Variants in CAPS2 observed in about 807,000 individuals in gnomAD.
The protein encoded by CAPS2 is calcyphosin-2.
In CAPS2, 98 loss-of-function variants were observed where a neutral mutation model predicts 86.5. The ratio of observed to expected loss-of-function variants is 1.13; its 90% confidence interval spans 0.96 to 1.34. The LOEUF (loss-of-function observed/expected upper bound fraction) is 1.34, where lower values mean the gene tolerates loss of function less well. Among genes scored for constraint, CAPS2 ranks in the 40% most tolerant of loss-of-function variants. CAPS2 has a pLI of 0.00. For missense variants in CAPS2, 729 were observed against 686.8 expected, an observed-to-expected ratio of 1.06 and a Z score of -0.69; for synonymous variants, 210 against 225.1, an observed-to-expected ratio of 0.93 and a Z score of 0.60.
chr12:75,293,227 G>A, intron 12 of CAPS2, 22 bp downstream of exon 12: 2 of 1,366,914 alleles, frequency 1.5e-6, no homozygotes, highest in African/African-American at 1.4e-5. Flanking sequence ...CTTTCAAATT[G>A]CCAAATGCAT....
At chr12:75,291,004 T>A (rs2035760286) in intron 13 of CAPS2, among the ~76,000 whole-genome samples, 1 of 152,066 alleles carries the variant, frequency 6.6e-6, no homozygotes. Flanking sequence ...CATTTTATAC[T>A]ATGAGATCCA....
At chr12:75,343,865 C>T in intron 1 of CAPS2, 1 of 1,612,540 alleles carries the variant, frequency 6.2e-7, no homozygotes. Flanking sequence ...GCCATTACGG[C>T]TTGGTATAAT....
chr12:75,302,473 G>C (rs1381169591), intron 8 of CAPS2, among the ~76,000 whole-genome samples: 1 of 152,182 alleles, frequency 6.6e-6, no homozygotes, highest in Non-Finnish European at 1.5e-5. Context: ...AAATGATTTA[G>C]TGGTAGGCAG....
At chr12:75,304,375 G>C (rs923330738) in intron 8 of CAPS2, among the ~76,000 whole-genome samples, 1 of 152,122 alleles carries the variant, frequency 6.6e-6, no homozygotes, top group African/African-American at 2.4e-5. Context: ...GGTTGAAAAA[G>C]CTACAACGTA....
At chr12:75,325,217 A>G in intron 2 of CAPS2, 22 bp downstream of exon 3, 1 of 1,547,218 alleles carries the variant, frequency 6.5e-7, no homozygotes. Flanking sequence ...AAACAGTCCA[A>G]ATGTGAAGAA....
intron 7 of CAPS2, chr12:75,305,959 C>T (rs1593402522): frequency 3.2e-6 from 4 of 1,237,906 alleles, no homozygotes; most frequent in East Asian, 4.8e-5. Flanking sequence ...GGAGCATGGA[C>T]AGGGTGGCTC....
intron 1 of CAPS2, among the ~76,000 whole-genome samples, chr12:75,351,536 C>T (rs1264052888): frequency 1.3e-5 from 2 of 151,298 alleles, no homozygotes; most frequent in Admixed American, 1.3e-4. Flanking sequence ...ATATTTAACA[C>T]TCTGTTTTGT....
intron 1 of CAPS2, among the ~76,000 whole-genome samples, chr12:75,356,292 A>G (rs2043151056): frequency 6.6e-6 from 1 of 152,200 alleles, no homozygotes; most frequent in South Asian, 2.1e-4. Context: ...TTAAAAATAA[A>G]CATTAAATAT....
At chr12:75,309,029 C>T (rs947127502) in intron 7 of CAPS2, among the ~76,000 whole-genome samples, 13 of 151,908 alleles carry the variant, frequency 8.6e-5, no homozygotes, top group African/African-American at 2.9e-4. Flanking sequence ...TAAAATGACC[C>T]AATATGGTAA....
chr12:75,387,604 C>T (rs2045357761), intron 1 of CAPS2, among the ~76,000 whole-genome samples: 1 of 152,166 alleles, frequency 6.6e-6, no homozygotes, highest in Non-Finnish European at 1.5e-5. Flanking sequence ...GAATTGACTT[C>T]TTAGAATTAT....
In CAPS2 at chr12:75,278,533, A is replaced by G. The variant is rs186988274; in HGVS notation, c.*357T>C. ...AGGACAGGAAACTTGGTTAATAAAT[A>G]GATGTTGCCATATTGTTTGATGCAG... is the stretch of plus-strand genomic sequence containing the variant. On this transcript the variant is annotated 3_prime_UTR_variant, in exon 17 of 17. Transcript: ENST00000393284. The G allele has an allele frequency of 4.3e-3, 4,254 of 995,148 alleles. 8 individuals carry two copies. Among genetic ancestry groups the G allele is most frequent in the Non-Finnish European group, 4.7e-3 (3,928 of 836,586 alleles). The allele number at this position is 995,148 out of a possible 1,614,324, so 61.6% of individuals were successfully genotyped here. A position where few individuals can be genotyped will look rare whatever the true frequency, so the allele number is the denominator to read the frequency against.
intron 1 of CAPS2, chr12:75,373,673 T>C (rs1185407818): frequency 6.6e-6 from 1 of 152,488 alleles, no homozygotes; most frequent in East Asian, 1.9e-4. Context: ...TGTCTGTATA[T>C]CATGCAAAAC....
In CAPS2 at chr12:75,289,608, C is replaced by T; in HGVS notation, c.1395+13G>A. The T allele has an allele frequency of 6.3e-7, 1 of 1,599,466 alleles. No individual in the cohort carries two copies. Among genetic ancestry groups the T allele is most frequent in the Non-Finnish European group, 8.5e-7 (1 of 1,174,960 alleles). ...CATATTATCTGCTGCAGAGAATTTT[C>T]TGTAGCACATACCTTTTCAGACACT... On this transcript the variant is annotated intron_variant, in intron 14 of 16. Transcript: ENST00000393284.
chr12:75,276,291 C>A (rs752821051), downstream of CAPS2: 6 of 1,526,016 alleles, frequency 3.9e-6, no homozygotes, highest in Non-Finnish European at 5.3e-6. Flanking sequence ...TTTATATTTG[C>A]AAGCACTACA....
chr12:75,280,055 C>T (rs758380291), intron 16 of CAPS2, among the ~76,000 whole-genome samples: 29 of 151,608 alleles, frequency 1.9e-4, no homozygotes, highest in Admixed American at 8.6e-4. Flanking sequence ...TCAGTCCTCT[C>T]GGAGACCAGA....
chr12:75,305,079 C>CA, intron 7 of CAPS2: 2 of 386,262 alleles, frequency 5.2e-6, no homozygotes, highest in Non-Finnish European at 8.7e-6. Flanking sequence ...AAGTATTATC[C>CA]AAAACGGAAC....
intron 1 of CAPS2, among the ~76,000 whole-genome samples, chr12:75,354,028 C>G (rs540492729): frequency 1.4e-4 from 22 of 152,002 alleles, no homozygotes; most frequent in Admixed American, 3.3e-4. Context: ...AAACCCATGG[C>G]CAATGTCATA....
At chr12:75,361,212 T>A (rs1280095498) in intron 1 of CAPS2, among the ~76,000 whole-genome samples, 1 of 151,470 alleles carries the variant, frequency 6.6e-6, no homozygotes, top group Admixed American at 6.6e-5. Flanking sequence ...AAAAAATAAA[T>A]AAATAAAAAG....
intron 8 of CAPS2, among the ~76,000 whole-genome samples, chr12:75,303,993 A>C (rs939929347): frequency 1.3e-5 from 2 of 152,188 alleles, no homozygotes; most frequent in South Asian, 4.1e-4. Context: ...TAAAACCTCT[A>C]GAAGGAATGT....
Sources: allele counts gnomAD v4.1 joint callset (sites outside exome capture counted in the v4.1 genomes callset), GRCh38; gene constraint gnomAD v4.1.1; transcripts MANE v1.5; gene names NCBI Gene and HGNC (gene_info 2026-07-23, HGNC 2026-07-21).